Variants in PAX5 observed in about 807,000 individuals in gnomAD.
PAX5 encodes paired box protein Pax-5.
PAX5 carries 9 observed loss-of-function variants against 43.7 expected under a neutral mutation model. The observed-to-expected ratio is 0.21, with a 90% CI of 0.12 to 0.36. The LOEUF is 0.36. Among genes scored for constraint, PAX5 ranks in the 10% least tolerant of loss-of-function variants. The probability of loss-of-function intolerance (pLI) is 1.00; values close to 1 mark genes in which losing one functional copy is unlikely to be tolerated. For synonymous variants in PAX5, 228 were observed against 214.3 expected, an observed-to-expected ratio of 1.06 and a Z score of -0.56; for missense variants, 383 against 532.7, an observed-to-expected ratio of 0.72 and a Z score of 2.77.
rs111715344 is a variant in PAX5, at chr9:36,976,276, T to C, written c.605-9552A>G. 8.5e-3 allele frequency among the ~76,000 whole-genome samples: 1,288 copies of C among 152,292 alleles called. 22 individuals carry two copies. The highest frequency in any genetic ancestry group is 0.03 in the African/African-American group (1,256 of 41,564). ...TCCAACAACAACAACAAAATGCTGTTCACAGACTCAAGCTCAAACTCATTA... is the reference window on the plus strand; with the variant it reads ...TCCAACAACAACAACAAAATGCTGTCCACAGACTCAAGCTCAAACTCATTA... On this transcript the variant is annotated intron_variant, in intron 5 of 9. Coordinates refer to ENST00000358127, the MANE Select transcript of PAX5 (RefSeq NM_016734.3).
At chr9:36,959,560 G>A (rs915725073) in intron 6 of PAX5, among the ~76,000 whole-genome samples, 3 of 152,196 alleles carry the variant, frequency 2.0e-5, no homozygotes, top group South Asian at 2.1e-4. Flanking sequence ...ACAGCCCCAC[G>A]AGGAGAGAGG....
intron 6 of PAX5, among the ~76,000 whole-genome samples, chr9:36,963,112 G>A (rs945515465): frequency 6.6e-6 from 1 of 152,234 alleles, no homozygotes; most frequent in South Asian, 2.1e-4. Context: ...GGGCAGCCCC[G>A]TCTCCTCACC....
At position 36,977,682 on chromosome 9, in the gene PAX5, C is replaced by A. The variant is rs1216623049; in HGVS notation, c.605-10958G>T. Reference sequence around the variant, plus strand: ...AGTAGCTGGGACTACAGGTATGCACCACCACACCCGGCTAATTTTTTGTAT... The same window carrying A: ...AGTAGCTGGGACTACAGGTATGCACAACCACACCCGGCTAATTTTTTGTAT... On this transcript the variant is annotated intron_variant, in intron 5 of 9. Coordinates refer to ENST00000358127, the MANE Select transcript of PAX5 (RefSeq NM_016734.3). 2.6e-5 allele frequency among the ~76,000 whole-genome samples: 4 copies of A among 152,196 alleles called. No homozygotes were observed. The East Asian group carries it at 7.7e-4, about 29-fold the overall frequency.
intron 6 of PAX5, among the ~76,000 whole-genome samples, chr9:36,934,632 G>A (rs992498302): frequency 6.6e-6 from 1 of 152,140 alleles, no homozygotes; most frequent in Non-Finnish European, 1.5e-5. Context: ...ATTAACTAGG[G>A]GGAAGTACTA....
intron 6 of PAX5, among the ~76,000 whole-genome samples, chr9:36,957,394 C>T (rs534995676): frequency 5.3e-5 from 8 of 152,258 alleles, no homozygotes; most frequent in South Asian, 2.1e-4. Flanking sequence ...CCCCTAGAAA[C>T]GGTTGGGAAG....
At position 36,882,249 on chromosome 9, in the gene PAX5, C is replaced by T. The variant is rs550167640; in HGVS notation, c.911-144G>A. ...CCCCAGCTCCCCCCTGTCGCTCACA[C>T]GCTCTCACAAACACACATACACACA... On this transcript the variant is annotated intron_variant, in intron 7 of 9. Transcript: ENST00000358127. The surrounding 1 kb of genome is among the most constrained non-coding windows in gnomAD (Gnocchi z 4.4). The T allele has an allele frequency of 2.2e-4, 135 of 607,406 alleles. No individual in the cohort carries two copies. The highest frequency in any genetic ancestry group is 3.1e-4 in the Non-Finnish European group (106 of 346,028). 37.6% of individuals were successfully genotyped at this position (607,406 alleles called of 1,614,324 possible). A position where few individuals can be genotyped will look rare whatever the true frequency, so the allele number is the denominator to read the frequency against.
intron 2 of PAX5, 34 bp downstream of exon 2, chr9:37,020,602 A>G (rs1393025128): frequency 6.2e-7 from 1 of 1,607,634 alleles, no homozygotes; most frequent in Admixed American, 1.7e-5. Context: ...CTTTATTTGA[A>G]AGATCAAGGG....
chr9:36,958,938 C>G (rs1426788951), intron 6 of PAX5, among the ~76,000 whole-genome samples: 2 of 152,236 alleles, frequency 1.3e-5, no homozygotes, highest in Non-Finnish European at 2.9e-5. Flanking sequence ...CCACCAGTAT[C>G]CTGGCCCTGG....
At chr9:36,930,904 T>C in intron 6 of PAX5, 7 of 1,257,678 alleles carry the variant, frequency 5.6e-6, no homozygotes, top group Non-Finnish European at 7.4e-6. Flanking sequence ...AAGGACTGCC[T>C]GGGGCTGCAC....
intron 6 of PAX5, among the ~76,000 whole-genome samples, chr9:36,929,111 T>C (rs1334686590): frequency 6.6e-6 from 1 of 152,134 alleles, no homozygotes; most frequent in Non-Finnish European, 1.5e-5. Context: ...TTTCCAAACT[T>C]AACTTAGATA....
intron 6 of PAX5, among the ~76,000 whole-genome samples, chr9:36,958,715 T>C (rs1465563789): frequency 7.2e-6 from 1 of 138,770 alleles, no homozygotes; most frequent in Non-Finnish European, 1.6e-5. Context: ...TATTCCCTGA[T>C]TTAAAATCTC....
intron 7 of PAX5, among the ~76,000 whole-genome samples, chr9:36,896,259 G>T (rs1200588828): frequency 6.6e-6 from 1 of 152,058 alleles, no homozygotes; most frequent in Non-Finnish European, 1.5e-5. Context: ...CTAAACCAGT[G>T]CCTCAGCTGG....
At chr9:36,949,867 T>A (rs547595318) in intron 6 of PAX5, among the ~76,000 whole-genome samples, 26 of 152,336 alleles carry the variant, frequency 1.7e-4, no homozygotes, top group African/African-American at 6.3e-4. Flanking sequence ...CCCCTCATAC[T>A]GTTAGTGAAA....
chr9:36,941,676 C>G (rs971722941), intron 6 of PAX5, among the ~76,000 whole-genome samples: 2 of 152,116 alleles, frequency 1.3e-5, no homozygotes, highest in Non-Finnish European at 2.9e-5. Context: ...TTGGCCTGTA[C>G]CCACCTCAAG....
intron 1 of PAX5, chr9:37,026,867 A>G (rs1023197118): frequency 1.8e-4 from 54 of 308,506 alleles, no homozygotes; most frequent in Non-Finnish European, 2.4e-4. Flanking sequence ...AGCCCGGGGT[A>G]GCTGCGGCCA....
intron 7 of PAX5, among the ~76,000 whole-genome samples, chr9:36,921,760 A>G (rs761374424): frequency 6.6e-6 from 1 of 152,160 alleles, no homozygotes; most frequent in East Asian, 1.9e-4. Flanking sequence ...GAAAAAGAGG[A>G]AAAAGGGCCC....
In PAX5 at chr9:36,837,573, G is replaced by C; in HGVS notation, c.*2987C>G. Reference sequence around the variant, plus strand: ...ATCTACTCAACGGCTTGTGTCCTTTGGAGCCATCCTCACCAAGCTCCCAGG... The same window carrying C: ...ATCTACTCAACGGCTTGTGTCCTTTCGAGCCATCCTCACCAAGCTCCCAGG... On this transcript the variant is annotated 3_prime_UTR_variant, in exon 10 of 10. Coordinates refer to ENST00000358127, the MANE Select transcript of PAX5 (RefSeq NM_016734.3). 8.6e-6 allele frequency: 2 copies of C among 233,290 alleles called. No individual in the cohort carries two copies. Among genetic ancestry groups the C allele is most frequent in the Non-Finnish European group, 1.7e-5 (2 of 118,076 alleles). The allele number at this position is 233,290 out of a possible 1,614,324, so 14.5% of individuals were successfully genotyped here. A position where few individuals can be genotyped will look rare whatever the true frequency, so the allele number is the denominator to read the frequency against.
intron 5 of PAX5, among the ~76,000 whole-genome samples, chr9:36,986,514 C>T (rs1836432485): frequency 6.6e-6 from 1 of 152,162 alleles, no homozygotes; most frequent in African/African-American, 2.4e-5. Flanking sequence ...CCGGGGGCGC[C>T]GCGCTCAGCC....
chr9:36,954,076 G>GA (rs1345898090), intron 6 of PAX5, among the ~76,000 whole-genome samples: 1 of 151,588 alleles, frequency 6.6e-6, no homozygotes, highest in East Asian at 1.9e-4. Flanking sequence ...TGTCTCAAAA[G>GA]AAAAAAATAT....
Sources: gnomAD v4.1 joint callset for allele counts (sites outside exome capture counted in the v4.1 genomes callset) on GRCh38, gnomAD v4.1.1 for gene constraint, Gnocchi (gnomAD v3.1) non-coding constraint, MANE v1.5 for transcripts, NCBI Gene and HGNC (gene_info 2026-07-23, HGNC 2026-07-21) for gene names.